Variants in L1TD1 observed in about 807,000 individuals in gnomAD.
L1TD1 encodes LINE1 type transposase domain containing 1, also known as LINE-1 type transposase domain-containing protein 1.
In L1TD1, 26 loss-of-function variants were observed where a neutral mutation model predicts 25.7. That is an observed-to-expected ratio of 1.01 (90% CI 0.74 to 1.40). The LOEUF (loss-of-function observed/expected upper bound fraction) is 1.40, where lower values mean the gene tolerates loss of function less well. Among genes scored for constraint, L1TD1 ranks in the 40% most tolerant of loss-of-function variants. The pLI is 0.00. For synonymous variants in L1TD1, 421 were observed against 335.6 expected (o/e 1.25, Z -2.78); for missense variants, 1,130 against 975.0 (o/e 1.16, Z -2.12).
chr1:62,205,002 G>A (rs1302976498), intron 2 of L1TD1, among the ~76,000 whole-genome samples: 1 of 152,074 alleles, frequency 6.6e-6, no homozygotes, highest in Non-Finnish European at 1.5e-5. Context: ...CTGAGCTCAA[G>A]TGATTCACCT....
At chr1:62,205,443 A>ATATATTTTTTTTTTTTTTTTTT (rs1553122597) in intron 2 of L1TD1, among the ~76,000 whole-genome samples, 4 of 63,646 alleles carry the variant, frequency 6.3e-5, no homozygotes, top group Non-Finnish European at 9.2e-5. Flanking sequence ...ATATATATAT[A>ATATATTTTTTTTTTTTTTTTTT]TTTTTTTTTA....
rs1670844727 is a variant in L1TD1 at position 62,210,525 on chromosome 1, C to T, written c.1751C>T (p.Thr584Ile). The part of the protein sequence containing the change: ...HTNLSISTGV[T>I]KLKKTEEKKH... Reference sequence around the variant, plus strand: ...AATTTGAGTATTTCAACAGGAGTCACCAAACTTAAGAAAACAGAAGAAAAG... The same window carrying T: ...AATTTGAGTATTTCAACAGGAGTCATCAAACTTAAGAAAACAGAAGAAAAG... The change falls in exon 4 of 4, where the codon ACC (threonine) becomes ATC (isoleucine). Residue 584 changes from threonine to isoleucine, a missense_variant. Physicochemically the swap from Thr to Ile is moderately conservative, Grantham distance 89. Coordinates refer to ENST00000498273, the MANE Select transcript of L1TD1 (RefSeq NM_019079.5). 1.2e-6 allele frequency: 2 copies of T among 1,612,824 alleles called. No homozygotes were observed. The highest frequency in any genetic ancestry group is 1.7e-5 in the Admixed American group (1 of 59,720).
Position 62,210,810 on chromosome 1 carries a change from A to C in L1TD1, c.2036A>C (p.Gln679Pro). 5.2e-6 allele frequency: 8 copies of C among 1,549,890 alleles called. No homozygotes were observed. Among genetic ancestry groups the C allele is most frequent in the Non-Finnish European group, 7.0e-6 (8 of 1,146,616 alleles). ...GAAGAATTCTCTAAGGATACAATGC[A>C]AATGACCAAACAGATAATTAGTAAA... The part of the protein sequence containing the change: ...QIEEFSKDTM[Q>P]MTKQIISKER... The change falls in exon 4 of 4, where the codon CAA (glutamine) becomes CCA (proline). Residue 679 changes from glutamine (Q) to proline (P), a missense_variant. Gln to Pro is a moderately conservative substitution (Grantham distance 76, BLOSUM62 -1). Coordinates refer to ENST00000498273, the MANE Select transcript of L1TD1 (RefSeq NM_019079.5).
intron 1 of L1TD1, among the ~76,000 whole-genome samples, chr1:62,195,950 T>A (rs2457822): frequency 6.6e-6 from 1 of 151,456 alleles, no homozygotes; most frequent in South Asian, 2.1e-4. Flanking sequence ...GGCAGGAGAA[T>A]CGCTTGAACC....
In L1TD1 at chr1:62,211,236, C is replaced by T. The variant is rs773134809; in HGVS notation, c.2462C>T (p.Pro821Leu). ...GTTCTGCTGGAAAAAGGCTTTAATC[C>T]TAGAATCCTATATCCAGCCAAAATG... ...FKVLLEKGFNPRILYPAKMAF... is the reference protein window; with the variant it reads ...FKVLLEKGFNLRILYPAKMAF... The change falls in exon 4 of 4, where the codon CCT becomes CTT. Residue 821 changes from proline to leucine, a missense_variant. Transcript: ENST00000498273. 20 of 1,576,856 alleles carry T rather than the reference C, an allele frequency of 1.3e-5. No individual in the cohort carries two copies. In the South Asian group the frequency reaches 2.1e-4, roughly 16 times the overall value.
At chr1:62,201,490 TAAA>T (rs57780936) in intron 2 of L1TD1, among the ~76,000 whole-genome samples, 1 of 132,890 alleles carries the variant, frequency 7.5e-6, no homozygotes, top group Admixed American at 7.7e-5. Flanking sequence ...AGACCCTGCT[TAAA>T]AAAAAAAAAA....
At position 62,210,905 on chromosome 1, in the gene L1TD1, G is replaced by A. The variant is rs1670854660; in HGVS notation, c.2131G>A (p.Glu711Lys). Residue 711 changes from glutamate (E) to lysine (K), a missense_variant, in exon 4 of 4, where the codon GAG becomes AAG. Transcript: ENST00000498273. ...NIRLIGIPEK[E>K]SYENRAEDII... is the part of the protein sequence containing the mutation. Reference sequence around the variant, plus strand: ...TCGTTTGATAGGAATTCCAGAAAAGGAGAGTTATGAGAATAGGGCAGAGGA... The same window carrying A: ...TCGTTTGATAGGAATTCCAGAAAAGAAGAGTTATGAGAATAGGGCAGAGGA... 2 of 1,551,286 alleles carry A rather than the reference G, an allele frequency of 1.3e-6. No homozygotes were observed. The highest frequency in any genetic ancestry group is 1.7e-6 in the Non-Finnish European group (2 of 1,146,928).
At position 62,207,007 on chromosome 1, in the gene L1TD1, G is replaced by T. The variant is rs1282684645; in HGVS notation, c.379G>T (p.Gly127Cys). 1 of 1,613,220 alleles carries T rather than the reference G, an allele frequency of 6.2e-7. No homozygotes were observed. Among genetic ancestry groups the T allele is most frequent in the Non-Finnish European group, 8.5e-7 (1 of 1,179,750 alleles). ...GKIEGENSKI[G>C]DDNENLTFKL... ...AATAGAAGGAGAAAACTCTAAAATA[G>T]GTGATGATAATGAAAATTTAACCTT... is the stretch of plus-strand genomic sequence containing the variant. Residue 127 changes from glycine to cysteine, a missense_variant, in exon 3 of 4, where the codon GGT (glycine) becomes TGT (cysteine). Physicochemically the swap from Gly to Cys is radical, Grantham distance 159. Transcript: ENST00000498273.
chr1:62,195,722 A>G (rs2481708), intron 1 of L1TD1, among the ~76,000 whole-genome samples: 110,345 of 151,780 alleles, frequency 0.73, 40,173 homozygotes, highest in Admixed American at 0.78. Context: ...ATTGCGCTCC[A>G]GACTGGGCAA....
intron 2 of L1TD1, among the ~76,000 whole-genome samples, chr1:62,197,052 A>T (rs769933469): frequency 4.6e-5 from 7 of 152,186 alleles, no homozygotes; most frequent in Non-Finnish European, 8.8e-5. Context: ...TTTGTTTCAC[A>T]TAACAGTTGT....
intron 2 of L1TD1, among the ~76,000 whole-genome samples, chr1:62,197,397 T>TTATACATATATATATATA (rs1670562595): frequency 1.2e-5 from 1 of 80,858 alleles, no homozygotes; most frequent in Non-Finnish European, 2.6e-5. Flanking sequence ...AAAAAATAAA[T>TTATACATATATATATATA]TATATATATA....
chr1:62,209,745 CAAAT>C (rs1670819423), intron 3 of L1TD1, 34 bp from the exon 4 acceptor site: 3 of 1,385,662 alleles, frequency 2.2e-6, no homozygotes, highest in South Asian at 1.5e-5. Flanking sequence ...ATGATTTAAA[CAAAT>C]AACTCTTTTT....
intron 2 of L1TD1, among the ~76,000 whole-genome samples, chr1:62,198,444 T>C (rs1226937228): frequency 7.2e-6 from 1 of 138,750 alleles, no homozygotes; most frequent in Non-Finnish European, 1.6e-5. Flanking sequence ...ATTGTTCTTA[T>C]TTAAAAAAAA....
At position 62,211,363 on chromosome 1, in the gene L1TD1, T is replaced by C. The variant is rs1670866559; in HGVS notation, c.2589T>C (p.Asn863=). Residue 863 remains asparagine (N), a synonymous_variant, in exon 4 of 4, where the codon AAT becomes AAC. Transcript: ENST00000498273. ...CCTTGAGAGAATTACTGGGGAATAA[T>C]ATACCTTAGCACGCCAGGGTGACTA... is the stretch of plus-strand genomic sequence containing the variant. ...MPTLRELLGN[N]IP is the part of the protein sequence containing the mutation. 6.2e-7 allele frequency: 1 copy of C among 1,602,706 alleles called. No homozygotes were observed. Among genetic ancestry groups the C allele is most frequent in the Non-Finnish European group, 8.5e-7 (1 of 1,174,884 alleles).
chr1:62,210,258 C>T lies in L1TD1; in HGVS notation c.1484C>T (p.Thr495Ile). ...KSSETGKVKTTSLTEKKASRR... is the reference protein window; with the variant it reads ...KSSETGKVKTISLTEKKASRR... The stretch of plus-strand genomic sequence containing the variant: ...TCTGAAACAGGAAAGGTAAAGACTA[C>T]CTCCCTGACTGAGAAAAAAGCCTCA... Residue 495 changes from threonine to isoleucine, a missense_variant, in exon 4 of 4, where the codon ACC becomes ATC. Coordinates refer to ENST00000498273, the MANE Select transcript of L1TD1 (RefSeq NM_019079.5). 1 of 1,614,092 alleles carries T rather than the reference C, an allele frequency of 6.2e-7. No individual in the cohort carries two copies. Among genetic ancestry groups the T allele is most frequent in the East Asian group, 2.2e-5 (1 of 44,888 alleles).
Position 62,210,430 on chromosome 1 carries a change from C to T in L1TD1, c.1656C>T (p.Thr552=). The T allele has an allele frequency of 1.2e-6, 2 of 1,614,132 alleles. No homozygotes were observed. The highest frequency in any genetic ancestry group is 8.5e-7 in the Non-Finnish European group (1 of 1,180,022). ...TSQGTGTPCL[T]LCLASPSKSL... ...AAGGAACTGGCACACCCTGTCTGACCTTATGTTTGGCCTCTCCCTCAAAGT... is the reference window on the plus strand; with the variant it reads ...AAGGAACTGGCACACCCTGTCTGACTTTATGTTTGGCCTCTCCCTCAAAGT... Residue 552 remains threonine, a synonymous_variant, in exon 4 of 4, where the codon ACC becomes ACT. Coordinates refer to ENST00000498273, the MANE Select transcript of L1TD1 (RefSeq NM_019079.5).
chr1:62,205,441 A>ATTTTTTTTTTTTTTTTTTT lies in L1TD1; in HGVS notation c.-110-1077_-110-1076insTTTTTTTTTTTTTTTTTTT, dbSNP rs1447667211. On this transcript the variant is annotated intron_variant, in intron 2 of 3. Transcript: ENST00000498273. Reference sequence around the variant, plus strand: ...TCTATATATATATATATATATATATATATTTTTTTTTAGACAGTCTTGCTG... The same window carrying ATTTTTTTTTTTTTTTTTTT: ...TCTATATATATATATATATATATATATTTTTTTTTTTTTTTTTTTTATTTTTTTTTAGACAGTCTTGCTG... Among the ~76,000 whole-genome samples the ATTTTTTTTTTTTTTTTTTT allele has an allele frequency of 1.3e-3, 72 of 53,840 alleles. 4 individuals are homozygous for ATTTTTTTTTTTTTTTTTTT. Among genetic ancestry groups the ATTTTTTTTTTTTTTTTTTT allele is most frequent in the Non-Finnish European group, 1.8e-3 (49 of 26,932 alleles). The allele number at this position is 53,840 out of a possible 152,430, so 35.3% of individuals were successfully genotyped here. A position where few individuals can be genotyped will look rare whatever the true frequency, so the allele number is the denominator to read the frequency against.
chr1:62,195,215 A>G (rs1670510240), intron 1 of L1TD1, among the ~76,000 whole-genome samples: 2 of 151,624 alleles, frequency 1.3e-5, no homozygotes, highest in African/African-American at 4.8e-5. Flanking sequence ...AGGCTGGCCC[A>G]GGTACGTGAG....
intron 2 of L1TD1, among the ~76,000 whole-genome samples, chr1:62,197,780 G>GC (rs1313490540): frequency 6.6e-6 from 1 of 152,060 alleles, no homozygotes; most frequent in African/African-American, 2.4e-5. Flanking sequence ...GGAGGCTGAG[G>GC]CAGGAGAATC....
Sources: gnomAD v4.1 joint callset for allele counts (sites outside exome capture counted in the v4.1 genomes callset) on GRCh38, gnomAD v4.1.1 for gene constraint, MANE v1.5 for transcripts, NCBI Gene and HGNC (gene_info 2026-07-23, HGNC 2026-07-21) for gene names.